Variants in MYBPC3 observed in about 807,000 individuals in gnomAD.
MYBPC3 encodes myosin-binding protein C, cardiac-type.
A neutral mutation model predicts 159.3 loss-of-function variants in MYBPC3; 108 were observed. That is an observed-to-expected ratio of 0.68 (90% CI 0.58 to 0.80). The LOEUF (loss-of-function observed/expected upper bound fraction) is 0.80. Among genes scored for constraint, MYBPC3 ranks in the 30% least tolerant of loss-of-function variants. MYBPC3 has a pLI of 0.00. For synonymous variants in MYBPC3, 730 were observed against 702.0 expected (o/e 1.04, Z -0.63); for missense variants, 1,631 against 1,762.1 (o/e 0.93, Z 1.33).
At position 47,347,663 on chromosome 11, in the gene MYBPC3, C is replaced by T; in HGVS notation, c.839G>A (p.Gly280Asp). Residue 280 changes from glycine (G) to aspartate (D), a missense_variant, in exon 8 of 35, where the codon GGT becomes GAT. Physicochemically the swap from Gly to Asp is moderately conservative, Grantham distance 94. Coordinates refer to ENST00000545968, the MANE Select transcript of MYBPC3 (RefSeq NM_000256.3). ...AFRRTSLAGG[G>D]RRISDSHEDT... ...GGGGCAGGGGTACCTGATCCGCCGA[C>T]CACCTCCAGCCAGGCTCCTGTGGGG... 1.3e-6 allele frequency: 2 copies of T among 1,573,666 alleles called. No individual in the cohort carries two copies. Among genetic ancestry groups the T allele is most frequent in the Non-Finnish European group, 1.7e-6 (2 of 1,159,866 alleles).
chr11:47,335,217 TG>T lies in MYBPC3; in HGVS notation c.2738-9del. 6.3e-7 allele frequency: 1 copy of T among 1,574,810 alleles called. No individual in the cohort carries two copies. The highest frequency in any genetic ancestry group is 8.6e-7 in the Non-Finnish European group (1 of 1,157,434). ...CAGCCACCCACTCTGAGCCTGGGGG[TG>T]GGGAGGGGGAGGCAAGGCCACAGGC... On this transcript the variant is annotated splice_polypyrimidine_tract_variant and intron_variant, in intron 26 of 34. Transcript: ENST00000545968.
In MYBPC3 at chr11:47,333,187, G is replaced by A; in HGVS notation, c.3330+7C>T. ...GTGCACGTGGGGACCCCAGACCCTG[G>A]GCTCACCATGGTCTTCTTGTCGGCT... is the stretch of plus-strand genomic sequence containing the variant. On this transcript the variant is annotated splice_region_variant and intron_variant, in intron 30 of 34. Coordinates refer to ENST00000545968, the MANE Select transcript of MYBPC3 (RefSeq NM_000256.3). 3 of 1,601,340 alleles carry A rather than the reference G, an allele frequency of 1.9e-6. No homozygotes were observed. The highest frequency in any genetic ancestry group is 2.6e-6 in the Non-Finnish European group (3 of 1,174,002).
Position 47,343,154 on chromosome 11 carries a change from G to A in MYBPC3, c.1227-9C>T, listed in dbSNP as rs11570079. The A allele has an allele frequency of 1.2e-6, 2 of 1,608,904 alleles. No individual in the cohort carries two copies. Among genetic ancestry groups the A allele is most frequent in the East Asian group, 2.2e-5 (1 of 44,688 alleles). On this transcript the variant is annotated splice_polypyrimidine_tract_variant and intron_variant, in intron 14 of 34. Transcript: ENST00000545968. ...TGGACTCAAAGATGTACCTGGGTGG[G>A]GGCCGCAGGGAAGTGGCAGGAAAGC...
chr11:47,335,419 C>T (rs1360486431), intron 26 of MYBPC3, among the ~76,000 whole-genome samples: 5 of 152,248 alleles, frequency 3.3e-5, no homozygotes, highest in African/African-American at 1.2e-4. Flanking sequence ...CTTCTGCCTC[C>T]CGAGTTCAAG....
At position 47,333,297 on chromosome 11, in the gene MYBPC3, T is replaced by TA. The variant is rs397516008; in HGVS notation, c.3226_3227insT (p.Asp1076ValfsTer6). On this transcript the variant is annotated frameshift_variant, in exon 30 of 35. Transcript: ENST00000545968. LOFTEE classifies it high-confidence loss of function. ...CAGAGCCACATTAAGACCCCAGGCG[T>TA]CAGTCACCCGGAGATCCTGGGGAGG... The TA allele has an allele frequency of 3.8e-6, 6 of 1,590,162 alleles. No individual in the cohort carries two copies. The highest frequency in any genetic ancestry group is 5.1e-6 in the Non-Finnish European group (6 of 1,167,820).
chr11:47,350,681 C>A, intron 2 of MYBPC3, 66 bp from the exon 3 acceptor site: 1 of 1,409,966 alleles, frequency 7.1e-7, no homozygotes, highest in Non-Finnish European at 9.2e-7. Flanking sequence ...CCTCTCTCTC[C>A]TGAGCATTGG....
chr11:47,342,555 TG>T, intron 17 of MYBPC3, 22 bp downstream of exon 17: 2 of 1,549,896 alleles, frequency 1.3e-6, no homozygotes, highest in Non-Finnish European at 1.7e-6. Flanking sequence ...TAAAGCCTCA[TG>T]TGCCCCCCCA....
At position 47,342,581 on chromosome 11, in the gene MYBPC3, G is replaced by C; in HGVS notation, c.1621C>G (p.Gln541Glu). 1 of 1,597,666 alleles carries C rather than the reference G, an allele frequency of 6.3e-7. No homozygotes were observed. Among genetic ancestry groups the C allele is most frequent in the Non-Finnish European group, 8.5e-7 (1 of 1,171,286 alleles). ...GGQALAELIV[Q>E]EKKLEVYQSI... ...GTGCCCCCCCAGCCAGGCTCACCCT[G>C]CACAATGAGCTCAGCCAGCGCCTGG... The change falls in exon 17 of 35, where the codon CAG becomes GAG. Residue 541 changes from glutamine to glutamate, a missense_variant. Physicochemically the swap from Gln to Glu is conservative, Grantham distance 29. Transcript: ENST00000545968.
intron 26 of MYBPC3, chr11:47,335,624 G>C (rs2095881494): frequency 2.5e-6 from 1 of 400,150 alleles, no homozygotes; most frequent in Non-Finnish European, 4.4e-6. Context: ...ATCGCGCCTG[G>C]CCTTAAATAT....
Position 47,342,734 on chromosome 11 carries a change from C to T in MYBPC3, c.1468G>A (p.Gly490Arg), listed in dbSNP as rs200625851. The stretch of plus-strand genomic sequence containing the variant: ...GTCTCCTCCCGGGTCAGCTCCACCC[C>T]GTCCTTCAGCCTAGCCGGGTGGGTG... ...EGAQVKWLKD[G>R]VELTREETFK... The change falls in exon 17 of 35, where the codon GGG (glycine) becomes AGG (arginine). Residue 490 changes from glycine to arginine, a missense_variant. Transcript: ENST00000545968. 3.4e-4 allele frequency: 553 copies of T among 1,613,830 alleles called. 2 individuals are homozygous for T. Among genetic ancestry groups the T allele is most frequent in the Non-Finnish European group, 4.1e-4 (481 of 1,179,842 alleles).
intron 9 of MYBPC3, 78 bp downstream of exon 9, chr11:47,347,348 C>G: frequency 6.4e-7 from 1 of 1,551,388 alleles, no homozygotes; most frequent in Non-Finnish European, 8.7e-7. Flanking sequence ...CTCAGGGTCA[C>G]ACAGCTGGCA....
At chr11:47,343,229 C>T in intron 14 of MYBPC3, 31 bp downstream of exon 14, 1 of 1,575,518 alleles carries the variant, frequency 6.3e-7, no homozygotes, top group South Asian at 1.2e-5. Context: ...CCCTGTGCCC[C>T]CCACCCCAAG....
intron 13 of MYBPC3, 37 bp from the exon 14 acceptor site, chr11:47,343,299 G>C (rs375949882): frequency 2.0e-6 from 3 of 1,533,424 alleles, no homozygotes; most frequent in Admixed American, 3.9e-5. Context: ...TGTTCCCGAC[G>C]GGAGGAAGTG....
intron 24 of MYBPC3, 36 bp downstream of exon 24, chr11:47,337,654 C>A (rs201365531): frequency 6.2e-7 from 1 of 1,604,204 alleles, no homozygotes. Flanking sequence ...ATCTGTTTGG[C>A]GCCCTCACAC....
Position 47,343,503 on chromosome 11 carries a change from C to T in MYBPC3, c.1212G>A (p.Gln404=). ...ACCCCAGGCTGCACCTGCCGCTCAT[C>T]TGGATCTCCTGGCCATTCTTGAGCC... The part of the protein sequence containing the change: ...VKWLKNGQEI[Q]MSGSKYIFES... The change falls in exon 13 of 35, where the codon CAG becomes CAA. Residue 404 remains glutamine (Q), a synonymous_variant. Coordinates refer to ENST00000545968, the MANE Select transcript of MYBPC3 (RefSeq NM_000256.3). The T allele has an allele frequency of 6.4e-7, 1 of 1,562,602 alleles. No individual in the cohort carries two copies. The highest frequency in any genetic ancestry group is 8.7e-7 in the Non-Finnish European group (1 of 1,151,026).
rs1201309178 is a variant in MYBPC3 at position 47,331,695 on chromosome 11, C to T, written c.*48G>A. The T allele has an allele frequency of 1.5e-5, 12 of 810,582 alleles. No individual in the cohort carries two copies. Among genetic ancestry groups the T allele is most frequent in the African/African-American group, 1.0e-4 (6 of 57,776 alleles). 50.2% of individuals were successfully genotyped at this position (810,582 alleles called of 1,614,324 possible). A position where few individuals can be genotyped will look rare whatever the true frequency, so the allele number is the denominator to read the frequency against. Reference sequence around the variant, plus strand: ...CCAACTTCCCTCCAGGCTCCTGGCACGGGGCTGGCATCCGGTTGTACCTGC... The same window carrying T: ...CCAACTTCCCTCCAGGCTCCTGGCATGGGGCTGGCATCCGGTTGTACCTGC... On this transcript the variant is annotated 3_prime_UTR_variant, in exon 35 of 35. Coordinates refer to ENST00000545968, the MANE Select transcript of MYBPC3 (RefSeq NM_000256.3).
chr11:47,349,227 A>G (rs1020000420), intron 5 of MYBPC3, among the ~76,000 whole-genome samples: 1 of 151,930 alleles, frequency 6.6e-6, no homozygotes, highest in Non-Finnish European at 1.5e-5. Flanking sequence ...TCTGGTGGGC[A>G]GGGCGGAAAA....
intron 3 of MYBPC3, 36 bp downstream of exon 3, chr11:47,350,466 C>G: frequency 6.5e-7 from 1 of 1,543,704 alleles, no homozygotes; most frequent in Non-Finnish European, 8.7e-7. Context: ...ACGCCCTACC[C>G]ACGGATCCTG....
rs2094620865 is a variant in MYBPC3, at chr11:47,332,132, C to T, written c.3754G>A (p.Val1252Ile). The change falls in exon 33 of 35, where the codon GTC becomes ATC. Residue 1252 changes from valine (V) to isoleucine (I), a missense_variant. Coordinates refer to ENST00000545968, the MANE Select transcript of MYBPC3 (RefSeq NM_000256.3). This position sits in a 1 kb window ranked among gnomAD's most constrained non-coding sequence, Gnocchi z 4.2. Reference sequence around the variant, plus strand: ...CCCTGTAAGTTGGTGGCCCTGCAGACATAGATGCCCCCGTCAAAGGGGCAG... The same window carrying T: ...CCCTGTAAGTTGGTGGCCCTGCAGATATAGATGCCCCCGTCAAAGGGGCAG... Reference protein sequence around the residue: ...KPCPFDGGIYVCRATNLQGEA... With the variant: ...KPCPFDGGIYICRATNLQGEA... 1 of 1,613,698 alleles carries T rather than the reference C, an allele frequency of 6.2e-7. No individual in the cohort carries two copies. The highest frequency in any genetic ancestry group is 8.5e-7 in the Non-Finnish European group (1 of 1,179,884).
Sources: allele counts gnomAD v4.1 joint callset (sites outside exome capture counted in the v4.1 genomes callset), GRCh38; gene constraint gnomAD v4.1.1; non-coding constraint Gnocchi (gnomAD v3.1); transcripts MANE v1.5; gene names NCBI Gene and HGNC (gene_info 2026-07-23, HGNC 2026-07-21).